RAPGEF2: variants seen among roughly 807,000 people sequenced by gnomAD.
The protein encoded by RAPGEF2 is Rap guanine nucleotide exchange factor 2, also known as PDZ domain containing guanine nucleotide exchange factor (GEF) 1.
A neutral mutation model predicts 186.7 loss-of-function variants in RAPGEF2; 54 were observed. The observed-to-expected ratio is 0.29, with a 90% CI of 0.23 to 0.36. The LOEUF (loss-of-function observed/expected upper bound fraction) is 0.36. Among genes scored for constraint, RAPGEF2 ranks in the 10% least tolerant of loss-of-function variants. The pLI, the probability that RAPGEF2 is intolerant of heterozygous loss-of-function variation, is 1.00. For missense variants in RAPGEF2, 1,532 were observed against 2,045.0 expected (o/e 0.75, Z 4.84); for synonymous variants, 712 against 705.9 (o/e 1.01, Z -0.14).
chr4:159,348,234 AGATAGATAGATGGATG>A (rs990375580), intron 25 of RAPGEF2, among the ~76,000 whole-genome samples: 2 of 131,196 alleles, frequency 1.5e-5, no homozygotes, highest in African/African-American at 5.9e-5. Context: ...ATAGATAGAT[AGATAGATAGATGGATG>A]GATGGATGGA....
intron 7 of RAPGEF2, among the ~76,000 whole-genome samples, chr4:159,295,712 AGTGTGTGAGTGT>A (rs1159038347): frequency 4.1e-5 from 4 of 97,292 alleles, no homozygotes; most frequent in Non-Finnish European, 2.1e-5. Flanking sequence ...AGAGAGAGAG[AGTGTGTGAGTGT>A]GTGTGTGTGT....
intron 1 of RAPGEF2, among the ~76,000 whole-genome samples, chr4:159,173,529 C>T (rs1746133298): frequency 6.6e-6 from 1 of 152,096 alleles, no homozygotes; most frequent in South Asian, 2.1e-4. Flanking sequence ...CTGTCCACCC[C>T]CAGCTCAACA....
chr4:159,320,376 C>T (rs1230340797), intron 9 of RAPGEF2, among the ~76,000 whole-genome samples: 1 of 152,142 alleles, frequency 6.6e-6, no homozygotes, highest in Non-Finnish European at 1.5e-5. Flanking sequence ...TGGTACAGCA[C>T]AGACACTCCT....
chr4:159,181,934 T>A (rs867256391), intron 1 of RAPGEF2, among the ~76,000 whole-genome samples: 1 of 152,214 alleles, frequency 6.6e-6, no homozygotes. Flanking sequence ...TCCAGAAGGA[T>A]CTTTTATTAT....
chr4:159,328,291 C>A (rs887121698), intron 11 of RAPGEF2: 3 of 151,938 alleles, frequency 2.0e-5, no homozygotes, highest in African/African-American at 7.2e-5. Flanking sequence ...GGAAATTGCT[C>A]AGAAATAATG....
chr4:159,261,407 A>G (rs1756862648), intron 7 of RAPGEF2, among the ~76,000 whole-genome samples: 1 of 152,208 alleles, frequency 6.6e-6, no homozygotes, highest in Non-Finnish European at 1.5e-5. Flanking sequence ...GTAAATCCTA[A>G]CAGTTATTAT....
intron 2 of RAPGEF2, 22 bp from the exon 3 acceptor site, chr4:159,193,178 C>A: frequency 6.9e-7 from 1 of 1,440,342 alleles, no homozygotes; most frequent in Non-Finnish European, 9.1e-7. Flanking sequence ...ATGTTGAACT[C>A]ATGTTTTTAT....
chr4:159,195,875 GTTTTTTTTTTTTTTTTTTTT>G (rs34827512), intron 3 of RAPGEF2, among the ~76,000 whole-genome samples: 1 of 94,208 alleles, frequency 1.1e-5, no homozygotes, highest in South Asian at 4.3e-4. Context: ...AAACATACCT[GTTTTTTTTTTTTTTTTTTTT>G]TTTTTTTTTC....
intron 7 of RAPGEF2, among the ~76,000 whole-genome samples, chr4:159,261,590 C>G (rs971665032): frequency 1.3e-5 from 2 of 152,168 alleles, no homozygotes; most frequent in African/African-American, 4.8e-5. Flanking sequence ...CTTTAATCCT[C>G]TTCTTCTGTA....
chr4:159,328,861 C>T (rs1353717905), intron 11 of RAPGEF2: 20 of 151,788 alleles, frequency 1.3e-4, no homozygotes, highest in Admixed American at 1.1e-3. Flanking sequence ...TTATGATTAT[C>T]GTAATATTTA....
intron 1 of RAPGEF2, among the ~76,000 whole-genome samples, chr4:159,184,672 T>G (rs1747376473): frequency 6.6e-6 from 1 of 152,188 alleles, no homozygotes; most frequent in African/African-American, 2.4e-5. Context: ...GTTGCAAAAA[T>G]TTTCTCCCGT....
chr4:159,159,983 A>C (rs1204114272), intron 1 of RAPGEF2, among the ~76,000 whole-genome samples: 1 of 152,222 alleles, frequency 6.6e-6, no homozygotes, highest in Non-Finnish European at 1.5e-5. Flanking sequence ...ATGGAAAAAA[A>C]CCCACATTTA....
At chr4:159,246,084 T>A (rs1281396751) in intron 7 of RAPGEF2, among the ~76,000 whole-genome samples, 1 of 152,148 alleles carries the variant, frequency 6.6e-6, no homozygotes, top group African/African-American at 2.4e-5. Flanking sequence ...ACAAAAATTT[T>A]AAAATGATGA....
At chr4:159,297,992 T>A (rs1431355624) in intron 7 of RAPGEF2, among the ~76,000 whole-genome samples, 1 of 152,234 alleles carries the variant, frequency 6.6e-6, no homozygotes, top group African/African-American at 2.4e-5. Flanking sequence ...AACATGAGGC[T>A]TCTGTCTTCT....
intron 1 of RAPGEF2, among the ~76,000 whole-genome samples, chr4:159,112,046 C>G (rs1560973084): frequency 2.0e-5 from 3 of 152,196 alleles, no homozygotes; most frequent in Non-Finnish European, 4.4e-5. Flanking sequence ...TTTGTCATTT[C>G]AAAAATGTTA....
At chr4:159,293,073 T>G (rs1761445926) in intron 7 of RAPGEF2, among the ~76,000 whole-genome samples, 1 of 152,190 alleles carries the variant, frequency 6.6e-6, no homozygotes, top group African/African-American at 2.4e-5. Flanking sequence ...GTATTATATA[T>G]TAATATATGA....
At chr4:159,291,745 C>CTA (rs1761243423) in intron 7 of RAPGEF2, among the ~76,000 whole-genome samples, 1 of 151,468 alleles carries the variant, frequency 6.6e-6, no homozygotes. Flanking sequence ...TTTTGAGTCA[C>CTA]TATCCATTGT....
chr4:159,295,279 G>T (rs1415216357), intron 7 of RAPGEF2, among the ~76,000 whole-genome samples: 2 of 152,168 alleles, frequency 1.3e-5, no homozygotes, highest in African/African-American at 4.8e-5. Context: ...GAATGACCTA[G>T]AGAATTTTTT....
chr4:159,136,838 A>G (rs180827394), intron 1 of RAPGEF2, among the ~76,000 whole-genome samples: 1 of 152,284 alleles, frequency 6.6e-6, no homozygotes, highest in African/African-American at 2.4e-5. Flanking sequence ...CTTAAGGAAT[A>G]ATTTTTGGAA....
Sources: gnomAD v4.1 joint callset for allele counts (sites outside exome capture counted in the v4.1 genomes callset) on GRCh38, gnomAD v4.1.1 for gene constraint, MANE v1.5 for transcripts, NCBI Gene and HGNC (gene_info 2026-07-23, HGNC 2026-07-21) for gene names.